The following NLGN1 variants were observed in gnomAD, a reference collection of about 807,000 sequenced individuals.
The protein encoded by NLGN1 is neuroligin-1.
A neutral mutation model predicts 65.5 loss-of-function variants in NLGN1; 12 were observed. The ratio of observed to expected loss-of-function variants is 0.18; its 90% CI spans 0.12 to 0.30. The LOEUF (loss-of-function observed/expected upper bound fraction) is 0.30, where lower values mean the gene tolerates loss of function less well. Ranked by LOEUF, NLGN1 falls within the 10% of genes least tolerant of loss-of-function variation. NLGN1 has a pLI of 1.00. For synonymous variants in NLGN1, 350 were observed against 359.5 expected, an observed-to-expected ratio of 0.97 and a Z score of 0.30; for missense variants, 750 against 1,007.1, an observed-to-expected ratio of 0.74 and a Z score of 3.46.
At chr3:173,666,274 TA>T (rs1761680733) in intron 3 of NLGN1, among the ~76,000 whole-genome samples, 1 of 152,130 alleles carries the variant, frequency 6.6e-6, no homozygotes, top group South Asian at 2.1e-4. Flanking sequence ...TTGATGTAGA[TA>T]AATATAAGCC....
chr3:173,410,771 C>G (rs1712378259), intron 1 of NLGN1, among the ~76,000 whole-genome samples: 1 of 152,062 alleles, frequency 6.6e-6, no homozygotes, highest in Non-Finnish European at 1.5e-5. Flanking sequence ...TAAAGTATGC[C>G]ACTTCAATCA....
chr3:173,671,372 C>T (rs1385782285), intron 3 of NLGN1, among the ~76,000 whole-genome samples: 2 of 152,102 alleles, frequency 1.3e-5, no homozygotes, highest in Non-Finnish European at 2.9e-5. Flanking sequence ...GTCCCAGCTA[C>T]TGGGGAGGCT....
intron 3 of NLGN1, among the ~76,000 whole-genome samples, chr3:173,655,252 A>G (rs1367723096): frequency 6.6e-6 from 1 of 152,174 alleles, no homozygotes; most frequent in Non-Finnish European, 1.5e-5. Context: ...GTTTCTTTAC[A>G]TAAACTCTTA....
intron 4 of NLGN1, among the ~76,000 whole-genome samples, chr3:174,265,031 G>C (rs1047209209): frequency 6.6e-6 from 1 of 152,124 alleles, no homozygotes; most frequent in Non-Finnish European, 1.5e-5. Flanking sequence ...GAGGCAGTCT[G>C]CCCGTTCTCA....
intron 2 of NLGN1, among the ~76,000 whole-genome samples, chr3:173,482,357 A>G (rs1727436219): frequency 6.6e-6 from 1 of 151,906 alleles, no homozygotes; most frequent in Non-Finnish European, 1.5e-5. Context: ...ACCATGTGAT[A>G]TAATTTTTTA....
chr3:174,074,857 A>T (rs900560300), intron 4 of NLGN1, among the ~76,000 whole-genome samples: 1 of 152,290 alleles, frequency 6.6e-6, no homozygotes, highest in African/African-American at 2.4e-5. Context: ...GCCCAGATAC[A>T]TGCTGGCCAC....
At chr3:174,289,886 G>A (rs1397045241), downstream of NLGN1, among the ~76,000 whole-genome samples, 3 of 133,198 alleles carry the variant, frequency 2.3e-5, no homozygotes, top group East Asian at 2.8e-4. Context: ...GTGTATGTAC[G>A]TGGGGGCACT....
At chr3:173,539,231 A>G (rs1737995639) in intron 2 of NLGN1, among the ~76,000 whole-genome samples, 1 of 151,574 alleles carries the variant, frequency 6.6e-6, no homozygotes, top group South Asian at 2.1e-4. Flanking sequence ...CTGTCATCTG[A>G]TAGTAGGAAA....
At chr3:173,430,011 C>A (rs1716899146) in intron 1 of NLGN1, among the ~76,000 whole-genome samples, 3 of 152,176 alleles carry the variant, frequency 2.0e-5, no homozygotes, top group African/African-American at 7.2e-5. Context: ...GAAGCCTTCA[C>A]CCTACGGGCA....
chr3:173,612,659 C>T (rs920376504), intron 3 of NLGN1, among the ~76,000 whole-genome samples: 1 of 151,986 alleles, frequency 6.6e-6, no homozygotes, highest in Non-Finnish European at 1.5e-5. Context: ...CCAGTGTGAC[C>T]TCATCTTCAT....
chr3:173,999,024 A>G (rs13078193), intron 4 of NLGN1, among the ~76,000 whole-genome samples: 34,695 of 152,148 alleles, frequency 0.23, 4,152 homozygotes, highest in East Asian at 0.34. Context: ...ACTTACTTCT[A>G]TAAGGATCAG....
At chr3:173,455,135 A>G (rs1393695314) in intron 2 of NLGN1, among the ~76,000 whole-genome samples, 1 of 152,212 alleles carries the variant, frequency 6.6e-6, no homozygotes, top group African/African-American at 2.4e-5. Flanking sequence ...GTGTCAGCCC[A>G]TTCACATTGC....
At chr3:174,037,737 T>C (rs933595132) in intron 4 of NLGN1, among the ~76,000 whole-genome samples, 1 of 152,204 alleles carries the variant, frequency 6.6e-6, no homozygotes, top group Non-Finnish European at 1.5e-5. Flanking sequence ...ATTTTGCATG[T>C]TTTAGCACCT....
intron 2 of NLGN1, among the ~76,000 whole-genome samples, chr3:173,561,336 G>T (rs1479774240): frequency 3.9e-5 from 6 of 152,138 alleles, no homozygotes; most frequent in Non-Finnish European, 8.8e-5. Context: ...TCCATATGTG[G>T]TTGTGATGTT....
At chr3:173,486,314 G>A (rs548253375) in intron 2 of NLGN1, among the ~76,000 whole-genome samples, 3 of 151,982 alleles carry the variant, frequency 2.0e-5, no homozygotes, top group East Asian at 1.9e-4. Flanking sequence ...CGCCTGCCTC[G>A]GCCTCCCAAA....
At chr3:173,871,582 A>G (rs2150870664) in intron 4 of NLGN1, among the ~76,000 whole-genome samples, 1 of 152,328 alleles carries the variant, frequency 6.6e-6, no homozygotes, top group Middle Eastern at 3.4e-3. Flanking sequence ...AAGATATTTC[A>G]CTGGTTTTAA....
At chr3:173,767,924 T>G (rs1779011584) in intron 3 of NLGN1, among the ~76,000 whole-genome samples, 1 of 152,252 alleles carries the variant, frequency 6.6e-6, no homozygotes, top group East Asian at 1.9e-4. Flanking sequence ...AATTACATTT[T>G]TGTAATTTGA....
intron 1 of NLGN1, among the ~76,000 whole-genome samples, chr3:173,418,101 A>C (rs984156538): frequency 2.0e-5 from 3 of 151,032 alleles, no homozygotes; most frequent in Non-Finnish European, 4.4e-5. Context: ...AAATATAATA[A>C]GTATATATAA....
chr3:173,723,836 T>G (rs1047157988), intron 3 of NLGN1, among the ~76,000 whole-genome samples: 1 of 152,160 alleles, frequency 6.6e-6, no homozygotes, highest in Non-Finnish European at 1.5e-5. Flanking sequence ...CCCAGGAGAT[T>G]TATTTGATTA....
Sources: allele counts gnomAD v4.1 joint callset (sites outside exome capture counted in the v4.1 genomes callset), GRCh38; gene constraint gnomAD v4.1.1; transcripts MANE v1.5; gene names NCBI Gene and HGNC (gene_info 2026-07-23, HGNC 2026-07-21).